The following USP34 variants were observed in gnomAD, a reference collection of about 807,000 sequenced individuals.
USP34 encodes ubiquitin carboxyl-terminal hydrolase 34.
In USP34, 70 loss-of-function variants were observed where a neutral mutation model predicts 460.3. The observed-to-expected ratio is 0.15, with a 90% CI of 0.13 to 0.19. The LOEUF is 0.19. Ranked by LOEUF, USP34 falls within the 10% of genes least tolerant of loss-of-function variation. The pLI, the probability that USP34 is intolerant of heterozygous loss-of-function variation, is 1.00. For missense variants in USP34, 3,985 were observed against 4,236.2 expected, an observed-to-expected ratio of 0.94 and a Z score of 1.65; for synonymous variants, 1,647 against 1,405.3, an observed-to-expected ratio of 1.17 and a Z score of -3.85.
intron 67 of USP34, among the ~76,000 whole-genome samples, chr2:61,219,454 T>G (rs1019734646): frequency 7.9e-5 from 12 of 152,080 alleles, no homozygotes; most frequent in Non-Finnish European, 1.8e-4. Flanking sequence ...GCGGATCACT[T>G]GAGGTCAGGA....
intron 41 of USP34, among the ~76,000 whole-genome samples, chr2:61,277,509 C>G (rs1384127683): frequency 1.3e-5 from 2 of 152,116 alleles, no homozygotes; most frequent in South Asian, 2.1e-4. Flanking sequence ...AGTGCTAGGA[C>G]TATAGGCACG....
intron 69 of USP34, among the ~76,000 whole-genome samples, chr2:61,209,562 C>T (rs1201713583): frequency 6.6e-6 from 1 of 152,210 alleles, no homozygotes; most frequent in Non-Finnish European, 1.5e-5. Flanking sequence ...CCACATGTCT[C>T]TGATGACGCT....
intron 62 of USP34, among the ~76,000 whole-genome samples, chr2:61,226,241 G>T (rs1178226419): frequency 6.6e-6 from 1 of 152,136 alleles, no homozygotes; most frequent in Non-Finnish European, 1.5e-5. Context: ...GAAACAAAAA[G>T]GCAAATTGTT....
At chr2:61,191,674 T>C (rs1558457563) in intron 76 of USP34, among the ~76,000 whole-genome samples, 1 of 152,102 alleles carries the variant, frequency 6.6e-6, no homozygotes. Flanking sequence ...GTGAGTTCTG[T>C]CTGTGAAAGA....
At chr2:61,293,585 A>G (rs1201276274) in intron 32 of USP34, 35 bp from the exon 33 acceptor site, 13 of 1,531,856 alleles carry the variant, frequency 8.5e-6, no homozygotes, top group Admixed American at 1.7e-5. Context: ...GTAAGAGAAA[A>G]GCAGATATAT....
Position 61,440,898 on chromosome 2 carries a change from C to T in USP34, c.44-20065G>A, listed in dbSNP as rs574733974. On this transcript the variant is annotated intron_variant, in intron 1 of 79. Transcript: ENST00000398571. ...ATCTCAGCACTATGGGAGGCCGAGA[C>T]GGGTGGATCATGAGGTCAGGAGATC... Among the ~76,000 whole-genome samples the T allele has an allele frequency of 8.4e-4, 127 of 151,548 alleles. 1 individual carries two copies. Among genetic ancestry groups the T allele is most frequent in the Non-Finnish European group, 6.2e-4 (42 of 67,848 alleles).
At chr2:61,395,593 T>C (rs934417350) in intron 3 of USP34, among the ~76,000 whole-genome samples, 4 of 139,560 alleles carry the variant, frequency 2.9e-5, no homozygotes, top group African/African-American at 1.2e-4. Context: ...GGTCAGGAGA[T>C]CGAGACCACG....
chr2:61,230,020 G>A (rs760767779), intron 58 of USP34, among the ~76,000 whole-genome samples: 1 of 151,806 alleles, frequency 6.6e-6, no homozygotes, highest in Non-Finnish European at 1.5e-5. Flanking sequence ...AAGGAAATGT[G>A]AGGATTCTTT....
intron 1 of USP34, among the ~76,000 whole-genome samples, chr2:61,430,951 G>C (rs1035391545): frequency 1.3e-5 from 2 of 152,074 alleles, no homozygotes; most frequent in Admixed American, 1.3e-4. Flanking sequence ...CTCATAGTGA[G>C]CTATGATCGT....
At chr2:61,273,788 C>G (rs550883238) in intron 41 of USP34, among the ~76,000 whole-genome samples, 2 of 151,616 alleles carry the variant, frequency 1.3e-5, no homozygotes, top group Non-Finnish European at 2.9e-5. Context: ...GGTGAATGAA[C>G]AAACAAATCA....
intron 1 of USP34, among the ~76,000 whole-genome samples, chr2:61,446,721 G>C (rs1695128147): frequency 6.6e-6 from 1 of 151,152 alleles, no homozygotes; most frequent in South Asian, 2.1e-4. Flanking sequence ...CCTAGAACCT[G>C]AGAGGCAGAG....
In USP34 at chr2:61,330,767, C is replaced by A. The variant is rs541764300; in HGVS notation, c.2930+509G>T. On this transcript the variant is annotated intron_variant, in intron 20 of 79. Coordinates refer to ENST00000398571, the MANE Select transcript of USP34 (RefSeq NM_014709.4). ...TTCTACCAATTCTTGTCCCAAATCA[C>A]TTGAATATATCCAGAGAATATTTTG... Among the ~76,000 whole-genome samples the A allele has an allele frequency of 1.1e-4, 16 of 150,900 alleles. 1 individual carries two copies. Among genetic ancestry groups the A allele is most frequent in the Middle Eastern group, 3.4e-3 (1 of 292 alleles).
At chr2:61,470,601 G>A (rs757171875) in intron 1 of USP34, 49 bp downstream of exon 1, 2 of 1,348,572 alleles carry the variant, frequency 1.5e-6, no homozygotes, top group Non-Finnish European at 2.1e-6. Context: ...AGAGCTGCGC[G>A]AGGACCCCAA....
In USP34 at chr2:61,337,223, G is replaced by T. The variant is rs78294806; in HGVS notation, c.2744+2128C>A. Among the ~76,000 whole-genome samples, 1,123 of 152,118 alleles carry T rather than the reference G, an allele frequency of 7.4e-3. 11 individuals carry two copies. The highest frequency in any genetic ancestry group is 0.026 in the African/African-American group (1,069 of 41,498). ...GTCTACTAAATACAAGAACTCACCT[G>T]TTTTTACATGATATAAATAAAATAA... On this transcript the variant is annotated intron_variant, in intron 18 of 79. Transcript: ENST00000398571.
intron 48 of USP34, among the ~76,000 whole-genome samples, chr2:61,251,706 T>C (rs1406803012): frequency 2.0e-5 from 3 of 152,290 alleles, no homozygotes; most frequent in East Asian, 3.9e-4. Flanking sequence ...CTAAGCAAAT[T>C]TGTGTCTACT....
intron 29 of USP34, among the ~76,000 whole-genome samples, chr2:61,297,962 G>T (rs1014962622): frequency 6.6e-6 from 1 of 152,036 alleles, no homozygotes; most frequent in African/African-American, 2.4e-5. Flanking sequence ...TTGAGGAAAT[G>T]GCACTCAGTT....
At chr2:61,250,845 A>G (rs1223300057) in intron 48 of USP34, among the ~76,000 whole-genome samples, 1 of 152,220 alleles carries the variant, frequency 6.6e-6, no homozygotes, top group African/African-American at 2.4e-5. Context: ...AGAATGATTA[A>G]TATCTACTGT....
intron 18 of USP34, among the ~76,000 whole-genome samples, chr2:61,338,578 T>A (rs1026084331): frequency 5.3e-5 from 8 of 152,132 alleles, no homozygotes; most frequent in South Asian, 2.1e-4. Flanking sequence ...CAGAAAACAA[T>A]ATATTAATAA....
rs769274788 is a variant in USP34 at position 61,222,639 on chromosome 2, T to C, written c.7774A>G (p.Ile2592Val). ...CATACCTCAGGAGTCAACTTTGCTA[T>C]TGATGTGAAAAGCATAGATACAATC... ...EHIVSMLFTS[I>V]AKLTPEAANP... Residue 2592 changes from isoleucine (I) to valine (V), a missense_variant, in exon 65 of 80, where the codon ATA (isoleucine) becomes GTA (valine). Coordinates refer to ENST00000398571, the MANE Select transcript of USP34 (RefSeq NM_014709.4). The C allele has an allele frequency of 5.0e-5, 80 of 1,612,412 alleles. No homozygotes were observed. Among genetic ancestry groups the C allele is most frequent in the Admixed American group, 3.7e-4 (22 of 59,928 alleles).
Sources: allele counts gnomAD v4.1 joint callset (sites outside exome capture counted in the v4.1 genomes callset), GRCh38; gene constraint gnomAD v4.1.1; transcripts MANE v1.5; gene names NCBI Gene and HGNC (gene_info 2026-07-23, HGNC 2026-07-21).